MICAL2: variants seen among roughly 807,000 people sequenced by gnomAD.
MICAL2 encodes [F-actin]-monooxygenase MICAL2.
Under a neutral mutation model 127.3 loss-of-function variants are expected in MICAL2, and 77 were observed. The ratio of observed to expected loss-of-function variants is 0.60; its 90% CI spans 0.50 to 0.73. MICAL2 has a LOEUF of 0.73. Ranked by LOEUF, MICAL2 falls within the 30% of genes least tolerant of loss-of-function variation. MICAL2 has a pLI of 0.00. For missense variants in MICAL2, 1,351 were observed against 1,434.4 expected (o/e 0.94, Z 0.94); for synonymous variants, 570 against 551.1 (o/e 1.03, Z -0.48).
At chr11:12,206,354 C>T (rs1056031956) in intron 4 of MICAL2, among the ~76,000 whole-genome samples, 10 of 152,082 alleles carry the variant, frequency 6.6e-5, no homozygotes, top group Admixed American at 1.3e-4. Context: ...GCCGTAATGC[C>T]GGTGGGACTC....
chr11:12,330,913 G>A (rs1205726256), intron 32 of MICAL2, among the ~76,000 whole-genome samples: 3 of 117,222 alleles, frequency 2.6e-5, no homozygotes, highest in African/African-American at 1.0e-4. Context: ...GTGTGTGTGT[G>A]TGTGTGTGTG....
downstream of MICAL2, chr11:12,292,104 A>T: frequency 6.3e-7 from 1 of 1,586,112 alleles, no homozygotes; most frequent in Non-Finnish European, 8.6e-7. Flanking sequence ...ATAAAATAAT[A>T]ACACCTTTGT....
intron 3 of MICAL2, among the ~76,000 whole-genome samples, chr11:12,187,182 C>T (rs1858413378): frequency 6.6e-6 from 1 of 152,176 alleles, no homozygotes. Flanking sequence ...TTTTCTTTCT[C>T]TTCTTCCCTC....
In MICAL2 at chr11:12,344,792, C is replaced by T. The variant is rs371590049; in HGVS notation, c.5516-5046C>T. Among the ~76,000 whole-genome samples, 49 of 150,318 alleles carry T rather than the reference C, an allele frequency of 3.3e-4. No homozygotes were observed. In the East Asian group the frequency reaches 7.0e-3, roughly 21 times the overall value. The stretch of plus-strand genomic sequence containing the variant: ...CTGGGATTACAGGCGTGAGCCACCG[C>T]GCCCGGCCTAGAAATAATTATCAAA... On this transcript the variant is annotated intron_variant, in intron 32 of 34. Coordinates refer to the MICAL2 transcript ENST00000646065.
rs544639013 is a variant in MICAL2, at chr11:12,318,151, G to A, written c.5213-1545G>A. On this transcript the variant is annotated intron_variant, in intron 29 of 34. Coordinates refer to the MICAL2 transcript ENST00000646065. ...GGCACCGCTAATATACCGGCATTGC[G>A]CTAGGCACTTTACACTGATTATCTC... Among the ~76,000 whole-genome samples, 9 of 152,250 alleles carry A rather than the reference G, an allele frequency of 5.9e-5. No individual in the cohort carries two copies. The East Asian group carries it at 7.7e-4, about 13-fold the overall frequency.
Position 12,204,232 on chromosome 11 carries a change from C to A in MICAL2, c.265-18C>A. The A allele has an allele frequency of 6.2e-7, 1 of 1,611,222 alleles. No individual in the cohort carries two copies. The highest frequency in any genetic ancestry group is 8.5e-7 in the Non-Finnish European group (1 of 1,177,626). On this transcript the variant is annotated intron_variant, in intron 3 of 27. Transcript: ENST00000683283. ...GCTAGAGGTTACCAAGAGTCTCTCT[C>A]CTCTCTCACCTCTGCAGTGTCTCAT...
chr11:12,147,782 G>A (rs1200249969), intron 2 of MICAL2, among the ~76,000 whole-genome samples: 3 of 152,220 alleles, frequency 2.0e-5, no homozygotes, highest in Non-Finnish European at 2.9e-5. Flanking sequence ...GAATGGAATT[G>A]AATGTGGCTA....
At chr11:12,301,553 G>C (rs2134805166) in intron 29 of MICAL2, among the ~76,000 whole-genome samples, 1 of 152,284 alleles carries the variant, frequency 6.6e-6, no homozygotes, top group South Asian at 2.1e-4. Flanking sequence ...AAAACAGTAA[G>C]GGCAGATTTT....
intron 1 of MICAL2, among the ~76,000 whole-genome samples, chr11:12,116,436 G>A (rs1850043476): frequency 6.8e-6 from 1 of 147,782 alleles, no homozygotes; most frequent in Non-Finnish European, 1.5e-5. Flanking sequence ...CTAAGACAAG[G>A]CAGGGCAAAG....
rs1217976391 is a variant in MICAL2 at position 12,319,590 on chromosome 11, G to A, written c.5213-106G>A. The A allele has an allele frequency of 2.3e-5, 18 of 792,180 alleles. No individual in the cohort carries two copies. In the Middle Eastern group the frequency reaches 1.2e-3, roughly 51 times the overall value. 49.1% of individuals were successfully genotyped at this position (792,180 alleles called of 1,614,324 possible). On this transcript the variant is annotated intron_variant, in intron 29 of 34. Coordinates refer to the MICAL2 transcript ENST00000646065. Reference sequence around the variant, plus strand: ...GGCAGGTGCAGTGAGGGGAGGGCAGGGAGGAAGGGAATGAGAGTAAGTGGG... The same window carrying A: ...GGCAGGTGCAGTGAGGGGAGGGCAGAGAGGAAGGGAATGAGAGTAAGTGGG...
chr11:12,173,977 T>A (rs1856563721), intron 3 of MICAL2, among the ~76,000 whole-genome samples: 2 of 152,222 alleles, frequency 1.3e-5, no homozygotes, highest in Non-Finnish European at 2.9e-5. Flanking sequence ...ATTTTACATT[T>A]TTTCGTACTG....
chr11:12,165,887 A>G (rs1262750962), intron 3 of MICAL2, among the ~76,000 whole-genome samples: 1 of 152,182 alleles, frequency 6.6e-6, no homozygotes, highest in Non-Finnish European at 1.5e-5. Flanking sequence ...ATTGTTTATT[A>G]TTGATGATTA....
At chr11:12,242,481 C>A (rs762879239) in intron 19 of MICAL2, 49 bp downstream of exon 19, 1 of 1,552,598 alleles carries the variant, frequency 6.4e-7, no homozygotes, top group South Asian at 1.2e-5. Context: ...GGGTGACTTC[C>A]TTTCTTCCCC....
chr11:12,241,007 G>C (rs1440363553), intron 17 of MICAL2, 33 bp from the exon 18 acceptor site: 1 of 1,610,102 alleles, frequency 6.2e-7, no homozygotes, highest in Non-Finnish European at 8.5e-7. Context: ...GTCTCCTGTG[G>C]CTGCTTTTTT....
intron 9 of MICAL2, 45 bp downstream of exon 9, chr11:12,220,503 T>G: frequency 6.3e-7 from 1 of 1,587,958 alleles, no homozygotes; most frequent in Non-Finnish European, 8.5e-7. Context: ...GCGAGACAGA[T>G]CCCACGTTTG....
intron 1 of MICAL2, among the ~76,000 whole-genome samples, chr11:12,115,775 C>T (rs567282460): frequency 6.6e-6 from 1 of 151,936 alleles, no homozygotes; most frequent in South Asian, 2.1e-4. Context: ...AAGAAAAATC[C>T]AAATATTTAT....
chr11:12,313,749 AAG>A (rs1462634648), intron 29 of MICAL2, among the ~76,000 whole-genome samples: 1 of 151,968 alleles, frequency 6.6e-6, no homozygotes, highest in African/African-American at 2.4e-5. Flanking sequence ...GTCACTTGCT[AAG>A]AGAGCTTTGT....
At chr11:12,196,851 C>T (rs549194578) in intron 3 of MICAL2, among the ~76,000 whole-genome samples, 2 of 152,298 alleles carry the variant, frequency 1.3e-5, no homozygotes, top group East Asian at 1.9e-4. Flanking sequence ...TCCCCACCAA[C>T]CCCTGACCCT....
intron 3 of MICAL2, among the ~76,000 whole-genome samples, chr11:12,169,281 T>C (rs1462883041): frequency 6.6e-6 from 1 of 152,256 alleles, no homozygotes; most frequent in African/African-American, 2.4e-5. Context: ...AAATATATCT[T>C]TGAGATTGCT....
Sources: allele counts gnomAD v4.1 joint callset (sites outside exome capture counted in the v4.1 genomes callset), GRCh38; gene constraint gnomAD v4.1.1; transcripts MANE v1.5; gene names NCBI Gene and HGNC (gene_info 2026-07-23, HGNC 2026-07-21).